GALNT13: variants seen among roughly 807,000 people sequenced by gnomAD.
The protein encoded by GALNT13 is UDP-GalNAc:polypeptide N-acetylgalactosaminyltransferase 13.
GALNT13 carries 28 observed loss-of-function variants against 64.2 expected under a neutral mutation model. The observed-to-expected ratio is 0.44, with a 90% confidence interval of 0.32 to 0.60. The LOEUF is 0.60. Among genes scored for constraint, GALNT13 ranks in the 20% least tolerant of loss-of-function variants. GALNT13 has a pLI of 0.05. For synonymous variants in GALNT13, 214 were observed against 224.6 expected (o/e 0.95, Z 0.42); for missense variants, 577 against 669.8 (o/e 0.86, Z 1.53).
At chr2:154,420,769 T>C (rs560787378) in intron 11 of GALNT13, among the ~76,000 whole-genome samples, 1 of 152,120 alleles carries the variant, frequency 6.6e-6, no homozygotes, top group Non-Finnish European at 1.5e-5. Flanking sequence ...GCTTAATCCA[T>C]GTAGTAAAAG....
At chr2:153,688,894 T>G in the GALNT13 span, among the ~76,000 whole-genome samples, 1 of 152,098 alleles carries the variant, frequency 6.6e-6, no homozygotes, top group Non-Finnish European at 1.5e-5. Flanking sequence ...ATATTATTGT[T>G]GTTACCTTTC....
chr2:153,922,475 T>A (rs1689823741), intron 2 of GALNT13, among the ~76,000 whole-genome samples: 1 of 152,210 alleles, frequency 6.6e-6, no homozygotes, highest in Admixed American at 6.6e-5. Context: ...ATATATAATC[T>A]TTACAGAAAA....
rs542611168 is a variant in GALNT13, at chr2:154,237,561, G to A, written c.312-4469G>A. The stretch of plus-strand genomic sequence containing the variant: ...ATGTAATATTATATATAACATGTTA[G>A]ATATTATTTATAATATATAGTATAA... On this transcript the variant is annotated intron_variant, in intron 4 of 12. Transcript: ENST00000392825. 6.0e-3 allele frequency among the ~76,000 whole-genome samples: 863 copies of A among 144,824 alleles called. 1 individual carries two copies. The highest frequency in any genetic ancestry group is 8.8e-3 in the Non-Finnish European group (582 of 65,892).
intron 9 of GALNT13, among the ~76,000 whole-genome samples, chr2:154,353,034 G>C (rs1696499737): frequency 6.6e-6 from 1 of 152,186 alleles, no homozygotes; most frequent in African/African-American, 2.4e-5. Flanking sequence ...TTTGAAGAAA[G>C]TCATGGGAAG....
chr2:154,099,079 T>A (rs1428471423), intron 3 of GALNT13, among the ~76,000 whole-genome samples: 1 of 152,074 alleles, frequency 6.6e-6, no homozygotes, highest in Non-Finnish European at 1.5e-5. Flanking sequence ...CATACCAACA[T>A]CTGTTGCTTT....
At chr2:154,269,645 G>A (rs1691213893) in intron 8 of GALNT13, among the ~76,000 whole-genome samples, 1 of 151,558 alleles carries the variant, frequency 6.6e-6, no homozygotes, top group South Asian at 2.1e-4. Context: ...ATTTGGTTCA[G>A]CAAATGTTTC....
chr2:153,600,543 A>G, the GALNT13 span, among the ~76,000 whole-genome samples: 1 of 151,840 alleles, frequency 6.6e-6, no homozygotes, highest in African/African-American at 2.4e-5. Context: ...GCAAGAGTTC[A>G]TTTTCCAACT....
At chr2:153,172,159 G>A in the GALNT13 span, 1 of 152,310 alleles carries the variant, frequency 6.6e-6, no homozygotes, top group South Asian at 2.1e-4. Context: ...CACATCTCTT[G>A]TACCAATCTA....
rs1055478410 is a variant in GALNT13 at position 154,211,417 on chromosome 2, G to A, written c.312-30613G>A. On this transcript the variant is annotated intron_variant, in intron 4 of 12. Coordinates refer to ENST00000392825, the MANE Select transcript of GALNT13 (RefSeq NM_052917.4). Reference sequence around the variant, plus strand: ...CGAGGTGGGCAGATCACCTGAGGTCGGGAGTTCCAGACCAGCCTGACCAAC... The same window carrying A: ...CGAGGTGGGCAGATCACCTGAGGTCAGGAGTTCCAGACCAGCCTGACCAAC... Among the ~76,000 whole-genome samples, 9 of 151,558 alleles carry A rather than the reference G, an allele frequency of 5.9e-5. 1 individual carries two copies. The highest frequency in any genetic ancestry group is 4.2e-4 in the South Asian group (2 of 4,788).
chr2:154,299,407 A>G (rs1392462492), intron 8 of GALNT13, among the ~76,000 whole-genome samples: 3 of 151,614 alleles, frequency 2.0e-5, no homozygotes, highest in Non-Finnish European at 4.4e-5. Context: ...GAAGGTTCAT[A>G]TATTTCATGA....
chr2:153,131,007 C>T, the GALNT13 span, among the ~76,000 whole-genome samples: 1 of 152,144 alleles, frequency 6.6e-6, no homozygotes, highest in Non-Finnish European at 1.5e-5. Context: ...TGCCTGTAAC[C>T]TTACATACAC....
chr2:153,331,688 G>C, the GALNT13 span, among the ~76,000 whole-genome samples: 1 of 151,936 alleles, frequency 6.6e-6, no homozygotes, highest in East Asian at 1.9e-4. Context: ...ACCAGATTAA[G>C]GGTGGATCTG....
At chr2:153,124,614 G>A in the GALNT13 span, among the ~76,000 whole-genome samples, 39 of 151,976 alleles carry the variant, frequency 2.6e-4, no homozygotes, top group Non-Finnish European at 4.1e-4. Flanking sequence ...CAAGCGATTC[G>A]CCTGCCTCAG....
intron 4 of GALNT13, among the ~76,000 whole-genome samples, chr2:154,153,699 A>G (rs543214555): frequency 5.9e-5 from 9 of 152,298 alleles, no homozygotes; most frequent in East Asian, 3.9e-4. Context: ...TGTGCTAGCA[A>G]TCAGCGAGAC....
chr2:153,850,952 C>G, the GALNT13 span, among the ~76,000 whole-genome samples: 1 of 152,134 alleles, frequency 6.6e-6, no homozygotes, highest in Non-Finnish European at 1.5e-5. Context: ...GTGATGGTTT[C>G]AACACCCTTT....
At chr2:154,419,247 G>T (rs929241462) in intron 11 of GALNT13, among the ~76,000 whole-genome samples, 1 of 152,082 alleles carries the variant, frequency 6.6e-6, no homozygotes. Context: ...CTTGTGATCT[G>T]ATCCTGCCGA....
chr2:153,992,873 T>A (rs1695252859), intron 3 of GALNT13, among the ~76,000 whole-genome samples: 1 of 152,350 alleles, frequency 6.6e-6, no homozygotes, highest in African/African-American at 2.4e-5. Flanking sequence ...TTATTTTTAT[T>A]GATGCTTATA....
At chr2:154,193,651 G>A (rs1686718918) in intron 4 of GALNT13, among the ~76,000 whole-genome samples, 1 of 152,132 alleles carries the variant, frequency 6.6e-6, no homozygotes, top group Non-Finnish European at 1.5e-5. Flanking sequence ...CTGCACCCTA[G>A]TACCATAGCA....
At chr2:154,139,384 A>G (rs1683130306) in intron 3 of GALNT13, among the ~76,000 whole-genome samples, 1 of 151,982 alleles carries the variant, frequency 6.6e-6, no homozygotes. Context: ...GCTGTGCCTA[A>G]ATATGTGCCT....
Sources: gnomAD v4.1 joint callset for allele counts (sites outside exome capture counted in the v4.1 genomes callset) on GRCh38, gnomAD v4.1.1 for gene constraint, MANE v1.5 for transcripts, NCBI Gene and HGNC (gene_info 2026-07-23, HGNC 2026-07-21) for gene names.